Variants in LHFPL2 observed in about 807,000 individuals in gnomAD.
LHFPL2 encodes the protein LHFPL tetraspan subfamily member 2 protein.
A neutral mutation model predicts 17.5 loss-of-function variants in LHFPL2; 7 were observed. The observed-to-expected ratio is 0.40, with a 90% CI of 0.23 to 0.75. LHFPL2 has a LOEUF of 0.75. LHFPL2 is among the 30% of genes least tolerant of loss of function. The pLI, the probability that LHFPL2 is intolerant of heterozygous loss-of-function variation, is 0.37. For synonymous variants in LHFPL2, 134 were observed against 116.2 expected (o/e 1.15, Z -0.99); for missense variants, 241 against 294.8 (o/e 0.82, Z 1.34).
intron 4 of LHFPL2, among the ~76,000 whole-genome samples, chr5:78,497,087 C>A (rs1754629960): frequency 6.6e-6 from 1 of 152,224 alleles, no homozygotes; most frequent in Non-Finnish European, 1.5e-5. Flanking sequence ...TCACCTTGTC[C>A]ACCTGATCTC....
intron 4 of LHFPL2, among the ~76,000 whole-genome samples, chr5:78,503,635 T>C (rs1382826148): frequency 6.6e-6 from 1 of 152,068 alleles, no homozygotes; most frequent in Admixed American, 6.5e-5. Flanking sequence ...GAGGCAGAGG[T>C]TGCAGTGAGC....
intron 3 of LHFPL2, among the ~76,000 whole-genome samples, chr5:78,562,507 T>C (rs188345145): frequency 4.6e-5 from 7 of 152,092 alleles, no homozygotes; most frequent in African/African-American, 1.7e-4. Flanking sequence ...TGGTGGCAGA[T>C]GCCTGTAATC....
chr5:78,566,341 C>A (rs560256424), intron 2 of LHFPL2, among the ~76,000 whole-genome samples: 13 of 152,194 alleles, frequency 8.5e-5, no homozygotes, highest in Non-Finnish European at 1.9e-4. Flanking sequence ...TATCTAAAAA[C>A]GTCATTTTAG....
intron 2 of LHFPL2, among the ~76,000 whole-genome samples, chr5:78,603,104 G>A (rs1744080847): frequency 6.6e-6 from 1 of 152,128 alleles, no homozygotes; most frequent in Non-Finnish European, 1.5e-5. Context: ...ATGTTGGCCA[G>A]GATGGTCTCG....
chr5:78,535,441 C>T (rs1755919242), intron 3 of LHFPL2, among the ~76,000 whole-genome samples: 2 of 152,266 alleles, frequency 1.3e-5, no homozygotes, highest in Admixed American at 6.5e-5. Context: ...GGATTGTCCA[C>T]GATGGCTAGT....
At chr5:78,586,612 T>A (rs1389629138) in intron 2 of LHFPL2, among the ~76,000 whole-genome samples, 1 of 152,176 alleles carries the variant, frequency 6.6e-6, no homozygotes, top group African/African-American at 2.4e-5. Context: ...ATGGTTTCAG[T>A]GTCCTAACAG....
At chr5:78,520,660 C>T (rs932233305) in intron 3 of LHFPL2, among the ~76,000 whole-genome samples, 1 of 148,696 alleles carries the variant, frequency 6.7e-6, no homozygotes, top group Non-Finnish European at 1.5e-5. Flanking sequence ...CACCCGTGGG[C>T]ACTACACAAT....
At chr5:78,491,001 T>C (rs1232065552) in intron 4 of LHFPL2, 3 of 152,160 alleles carry the variant, frequency 2.0e-5, no homozygotes, top group South Asian at 4.1e-4. Flanking sequence ...TTACAGCAAC[T>C]TCCCCGCAAA....
chr5:78,616,228 G>A (rs1334177579), intron 2 of LHFPL2, among the ~76,000 whole-genome samples: 7 of 152,076 alleles, frequency 4.6e-5, no homozygotes, highest in Non-Finnish European at 8.8e-5. Flanking sequence ...TCGGGTTCAC[G>A]CCATTCTTCT....
Position 78,509,992 on chromosome 5 carries a change from C to T in LHFPL2, c.222G>A (p.Gln74=). ...CGCACAGCGTGTCCCGCTGGAAGTGCTGCACCCCTGGGTTCCGGATGCAGC... is the reference window on the plus strand; with the variant it reads ...CGCACAGCGTGTCCCGCTGGAAGTGTTGCACCCCTGGGTTCCGGATGCAGC... The part of the protein sequence containing the change: ...YARCIRNPGV[Q]HFQRDTLCGP... Residue 74 remains glutamine, a synonymous_variant, in exon 4 of 5, where the codon CAG becomes CAA. Coordinates refer to ENST00000380345, the MANE Select transcript of LHFPL2 (RefSeq NM_005779.3). 5.0e-6 allele frequency: 8 copies of T among 1,613,606 alleles called. No homozygotes were observed. Among genetic ancestry groups the T allele is most frequent in the Non-Finnish European group, 5.9e-6 (7 of 1,179,888 alleles).
At chr5:78,494,899 G>A (rs188977339) in intron 4 of LHFPL2, among the ~76,000 whole-genome samples, 2 of 152,238 alleles carry the variant, frequency 1.3e-5, no homozygotes, top group Non-Finnish European at 1.5e-5. Context: ...CAATGCAAAC[G>A]TAGGAAACAC....
chr5:78,591,554 C>T (rs1008293763), intron 2 of LHFPL2, among the ~76,000 whole-genome samples: 7 of 152,212 alleles, frequency 4.6e-5, no homozygotes, highest in Non-Finnish European at 8.8e-5. Context: ...AGGATGACAA[C>T]ATAAAATTCA....
intron 2 of LHFPL2, chr5:78,625,593 T>G (rs887670415): frequency 6.6e-6 from 1 of 152,204 alleles, no homozygotes; most frequent in African/African-American, 2.4e-5. Flanking sequence ...CTATATATAA[T>G]CTCAAGATAG....
At chr5:78,628,143 A>G (rs897689274) in intron 2 of LHFPL2, among the ~76,000 whole-genome samples, 1 of 152,172 alleles carries the variant, frequency 6.6e-6, no homozygotes, top group Non-Finnish European at 1.5e-5. Context: ...AGAGACGTGG[A>G]CAGGCCCTGT....
rs758486175 is a variant in LHFPL2 at position 78,509,814 on chromosome 5, T to C, written c.400A>G (p.Asn134Asp). 1 of 1,613,350 alleles carries C rather than the reference T, an allele frequency of 6.2e-7. No homozygotes were observed. Among genetic ancestry groups the C allele is most frequent in the Non-Finnish European group, 8.5e-7 (1 of 1,179,320 alleles). The change falls in exon 4 of 5, where the codon AAT becomes GAT. Residue 134 changes from asparagine to aspartate, a missense_variant. Physicochemically the swap from Asn to Asp is conservative, Grantham distance 23. Transcript: ENST00000380345. ...VQSIMKKSIFNVCGLLQGIAG... is the reference protein window; with the variant it reads ...VQSIMKKSIFDVCGLLQGIAG... ...ATTCCTTGCAACAGCCCACAGACAT[T>C]GAAGATGCTTTTCTTCATGATGCTC...
At chr5:78,595,640 C>G (rs1001783854) in intron 2 of LHFPL2, among the ~76,000 whole-genome samples, 1 of 152,160 alleles carries the variant, frequency 6.6e-6, no homozygotes, top group Non-Finnish European at 1.5e-5. Flanking sequence ...GCCTCCGGAA[C>G]AGCTGGGACT....
chr5:78,498,175 T>C (rs1409683767), intron 4 of LHFPL2, among the ~76,000 whole-genome samples: 1 of 152,182 alleles, frequency 6.6e-6, no homozygotes, highest in African/African-American at 2.4e-5. Flanking sequence ...ACTGCGAAGG[T>C]ACCAGCACTA....
intron 3 of LHFPL2, among the ~76,000 whole-genome samples, chr5:78,514,231 C>T (rs886618254): frequency 6.6e-5 from 10 of 152,256 alleles, no homozygotes; most frequent in South Asian, 2.1e-4. Context: ...CCACTAAATA[C>T]GTTTCCCCTC....
chr5:78,582,137 C>A (rs982817346), intron 2 of LHFPL2, among the ~76,000 whole-genome samples: 1 of 152,098 alleles, frequency 6.6e-6, no homozygotes, highest in Middle Eastern at 3.4e-3. Flanking sequence ...AGTGGTGATA[C>A]CCCTTTATCA....
Sources: allele counts gnomAD v4.1 joint callset (sites outside exome capture counted in the v4.1 genomes callset), GRCh38; gene constraint gnomAD v4.1.1; transcripts MANE v1.5; gene names NCBI Gene and HGNC (gene_info 2026-07-23, HGNC 2026-07-21).